The following TENT4A variants were observed in gnomAD, a reference collection of about 807,000 sequenced individuals.
The protein encoded by TENT4A is DNA polymerase kappa.
A neutral mutation model predicts 72.8 loss-of-function variants in TENT4A; 7 were observed. That is an observed-to-expected ratio of 0.10 (90% CI 0.05 to 0.18). TENT4A has a LOEUF of 0.18. Among genes scored for constraint, TENT4A ranks in the 10% least tolerant of loss-of-function variants. TENT4A has a pLI of 1.00. For missense variants in TENT4A, 831 were observed against 1,017.7 expected (o/e 0.82, Z 2.50); for synonymous variants, 456 against 434.3 (o/e 1.05, Z -0.62).
At chr5:6,721,811 C>T (rs1740666200) in intron 1 of TENT4A, among the ~76,000 whole-genome samples, 1 of 152,174 alleles carries the variant, frequency 6.6e-6, no homozygotes, top group African/African-American at 2.4e-5. Flanking sequence ...CTTTTCTTTC[C>T]TAAATCAGCT....
chr5:6,716,756 A>C (rs1017323184), intron 1 of TENT4A, among the ~76,000 whole-genome samples: 7 of 152,230 alleles, frequency 4.6e-5, no homozygotes, highest in African/African-American at 1.7e-4. Flanking sequence ...ACCTAGCTGT[A>C]AGGCAGTATG....
chr5:6,746,328 A>C lies in TENT4A; in HGVS notation c.1360A>C (p.Lys454Gln). ...FNYLKTGIRI[K>Q]EGGAYIAKEE... ...TTACTTGAAAACCGGTATTAGAATC[A>C]AAGAAGGAGGTGCCTATATCGCCAA... Residue 454 changes from lysine to glutamine, a missense_variant, in exon 7 of 13, where the codon AAA (lysine) becomes CAA (glutamine). Transcript: ENST00000230859. 6.2e-7 allele frequency: 1 copy of C among 1,614,206 alleles called. No individual in the cohort carries two copies. The highest frequency in any genetic ancestry group is 8.5e-7 in the Non-Finnish European group (1 of 1,180,042).
chr5:6,734,391 G>A (rs758942927), intron 1 of TENT4A, among the ~76,000 whole-genome samples: 65 of 152,240 alleles, frequency 4.3e-4, no homozygotes, highest in Admixed American at 2.2e-3. Flanking sequence ...AGGATGTAAT[G>A]ATGATGGTTG....
At chr5:6,735,783 CAG>C (rs1391974501) in intron 1 of TENT4A, among the ~76,000 whole-genome samples, 1 of 145,664 alleles carries the variant, frequency 6.9e-6, no homozygotes, top group African/African-American at 2.6e-5. Context: ...TTTGGTGAGA[CAG>C]AGTCTTGCTC....
At chr5:6,719,049 A>C (rs1042030421) in intron 1 of TENT4A, among the ~76,000 whole-genome samples, 1 of 151,926 alleles carries the variant, frequency 6.6e-6, no homozygotes, top group Non-Finnish European at 1.5e-5. Context: ...TGCTGCTGTG[A>C]GCGTGTGATG....
At position 6,733,328 on chromosome 5, in the gene TENT4A, C is replaced by T. The variant is rs139441892; in HGVS notation, c.717-4182C>T. Among the ~76,000 whole-genome samples the T allele has an allele frequency of 9.2e-3, 1,397 of 152,368 alleles. 5 individuals are homozygous for T. Among genetic ancestry groups the T allele is most frequent in the Non-Finnish European group, 0.015 (1,052 of 68,030 alleles). On this transcript the variant is annotated intron_variant, in intron 1 of 12. Transcript: ENST00000230859. ...CTGGCACTGCTTCCCGGCGTGCCGC[C>T]AGCCTTTCTCATGGGGAGGGGAATG...
At chr5:6,750,143 CAT>C (rs1359872451) in intron 9 of TENT4A, among the ~76,000 whole-genome samples, 186 bp from the exon 10 acceptor site, 2 of 152,226 alleles carry the variant, frequency 1.3e-5, no homozygotes, top group Non-Finnish European at 2.9e-5. Context: ...TTATTACAAA[CAT>C]GTTTAATGTT....
Position 6,743,851 on chromosome 5 carries a change from T to C in TENT4A, c.1245+11T>C. ...ATTAGCTTTCTACAGGTATGTATGC[T>C]TTCTTGAGACTGTTTCTGTTGAGAC... On this transcript the variant is annotated intron_variant, in intron 6 of 12. Transcript: ENST00000230859. 6.2e-7 allele frequency: 1 copy of C among 1,612,570 alleles called. No homozygotes were observed. The highest frequency in any genetic ancestry group is 8.5e-7 in the Non-Finnish European group (1 of 1,179,464).
chr5:6,748,000 C>T (rs1252897328), intron 7 of TENT4A, among the ~76,000 whole-genome samples: 2 of 152,196 alleles, frequency 1.3e-5, no homozygotes, highest in Non-Finnish European at 2.9e-5. Flanking sequence ...TTGTGATGCA[C>T]TTGGGGTGAG....
At chr5:6,754,658 C>A in intron 12 of TENT4A, 93 bp from the exon 13 acceptor site, 1 of 964,436 alleles carries the variant, frequency 1.0e-6, no homozygotes, top group Non-Finnish European at 1.5e-6. Flanking sequence ...CTCTATGTAA[C>A]ATCACGTCGG....
chr5:6,714,696 A>T lies in TENT4A; in HGVS notation c.713A>T (p.Gln238Leu). The change falls in exon 1 of 13, where the codon CAG becomes CTG. Residue 238 changes from glutamine (Q) to leucine (L), a missense_variant. By Grantham distance (113) the Gln-to-Leu change is moderately radical (BLOSUM62 -2). Coordinates refer to ENST00000230859, the MANE Select transcript of TENT4A (RefSeq NM_006999.6). The part of the protein sequence containing the change: ...WKSRAYSPGI[Q>L]GLHEEIIDFY... ...AGCCGCGCGTACAGCCCGGGCATCC[A>T]GGGGTGAGTGCGCGGGGAGGCCGCG... is the stretch of plus-strand genomic sequence containing the variant. The T allele has an allele frequency of 2.5e-6, 3 of 1,189,570 alleles. No individual in the cohort carries two copies. Among genetic ancestry groups the T allele is most frequent in the African/African-American group, 1.6e-5 (1 of 62,832 alleles). The allele number at this position is 1,189,570 out of a possible 1,614,324, so 73.7% of individuals were successfully genotyped here.
chr5:6,747,361 CAT>C (rs1191771226), intron 7 of TENT4A, among the ~76,000 whole-genome samples: 4 of 152,176 alleles, frequency 2.6e-5, no homozygotes, highest in African/African-American at 4.8e-5. Context: ...TCTTGTCACA[CAT>C]GTCATACTTT....
intron 1 of TENT4A, among the ~76,000 whole-genome samples, chr5:6,729,764 G>T (rs1352123713): frequency 6.6e-6 from 1 of 152,180 alleles, no homozygotes; most frequent in African/African-American, 2.4e-5. Flanking sequence ...ACCCCTTGGT[G>T]GTTTTTTTGT....
At chr5:6,739,904 C>T (rs1415195281) in intron 4 of TENT4A, 52 bp downstream of exon 4, 2 of 1,577,162 alleles carry the variant, frequency 1.3e-6, no homozygotes, top group South Asian at 1.1e-5. Context: ...TGTCACATCC[C>T]AGGTGGTCAC....
At chr5:6,747,101 T>G (rs775951568) in intron 7 of TENT4A, among the ~76,000 whole-genome samples, 3 of 152,256 alleles carry the variant, frequency 2.0e-5, no homozygotes, top group Non-Finnish European at 4.4e-5. Context: ...TCTTTAATGA[T>G]TAGTGGGGTT....
intron 2 of TENT4A, among the ~76,000 whole-genome samples, chr5:6,738,373 G>A (rs1404891382): frequency 1.3e-5 from 2 of 152,260 alleles, no homozygotes; most frequent in Admixed American, 1.3e-4. Flanking sequence ...TGCCTTAGCT[G>A]TGGGTTTAAG....
intron 6 of TENT4A, 82 bp from the exon 7 acceptor site, chr5:6,746,132 T>TGGACA: frequency 5.6e-6 from 9 of 1,604,092 alleles, no homozygotes; most frequent in Non-Finnish European, 7.7e-6. Context: ...AAGAGGCTGC[T>TGGACA]GGACAGCAGA....
chr5:6,741,018 C>T (rs1741775223), intron 4 of TENT4A, among the ~76,000 whole-genome samples: 1 of 150,168 alleles, frequency 6.7e-6, no homozygotes, highest in Non-Finnish European at 1.5e-5. Context: ...CTGTGTGTGC[C>T]AAGGGGCAGC....
At chr5:6,752,806 C>G in intron 11 of TENT4A, 67 bp from the exon 12 acceptor site, 1 of 1,468,798 alleles carries the variant, frequency 6.8e-7, no homozygotes, top group Non-Finnish European at 9.5e-7. Context: ...TGGTGCTGAG[C>G]TTAGAAGCCG....
Sources: allele counts gnomAD v4.1 joint callset (sites outside exome capture counted in the v4.1 genomes callset), GRCh38; gene constraint gnomAD v4.1.1; transcripts MANE v1.5; gene names NCBI Gene and HGNC (gene_info 2026-07-23, HGNC 2026-07-21).